The following SLIT3 variants were observed in gnomAD, a reference collection of about 807,000 sequenced individuals.
SLIT3 encodes the protein slit guidance ligand 3.
A neutral mutation model predicts 184.0 loss-of-function variants in SLIT3; 68 were observed. That is an observed-to-expected ratio of 0.37 (90% CI 0.30 to 0.45). The LOEUF is 0.45. SLIT3 is among the 20% of genes least tolerant of loss of function. The pLI is 1.00. For synonymous variants in SLIT3, 831 were observed against 828.6 expected (o/e 1.00, Z -0.05); for missense variants, 1,707 against 2,026.0 (o/e 0.84, Z 3.02).
At chr5:168,786,347 G>C (rs1040493389) in intron 11 of SLIT3, among the ~76,000 whole-genome samples, 1 of 152,162 alleles carries the variant, frequency 6.6e-6, no homozygotes, top group Non-Finnish European at 1.5e-5. Flanking sequence ...TGTCTTCAAT[G>C]GGTATTGATC....
chr5:168,790,295 A>G (rs545206248), intron 10 of SLIT3: 1 of 152,302 alleles, frequency 6.6e-6, no homozygotes, highest in Non-Finnish European at 1.5e-5. Context: ...AGTCCAGGGC[A>G]TAAGAATGTC....
intron 4 of SLIT3, among the ~76,000 whole-genome samples, chr5:168,885,790 A>G (rs915642007): frequency 8.5e-5 from 13 of 152,228 alleles, no homozygotes; most frequent in African/African-American, 3.1e-4. Flanking sequence ...TGTTCCAGTA[A>G]TGCACTAACC....
At chr5:169,225,547 T>C (rs1028599294) in intron 3 of SLIT3, among the ~76,000 whole-genome samples, 1 of 152,178 alleles carries the variant, frequency 6.6e-6, no homozygotes, top group African/African-American at 2.4e-5. Context: ...AGAGGCCTTA[T>C]AGTCTAAGGA....
chr5:168,987,062 G>T (rs1197165557), intron 4 of SLIT3, among the ~76,000 whole-genome samples: 1 of 152,096 alleles, frequency 6.6e-6, no homozygotes, highest in Non-Finnish European at 1.5e-5. Flanking sequence ...AATAAAAGAA[G>T]GCTAATATTT....
intron 4 of SLIT3, among the ~76,000 whole-genome samples, chr5:168,933,885 G>A (rs1416632876): frequency 2.0e-5 from 3 of 150,356 alleles, no homozygotes; most frequent in Non-Finnish European, 2.9e-5. Flanking sequence ...GCTAGGAAGG[G>A]CTGAGTGGCC....
chr5:168,862,678 G>GT (rs543314671), intron 5 of SLIT3, among the ~76,000 whole-genome samples: 11,039 of 141,132 alleles, frequency 0.078, 1,157 homozygotes, highest in African/African-American at 0.26. Context: ...TTTGTTTGTT[G>GT]TTTTTTTTTT....
intron 20 of SLIT3, among the ~76,000 whole-genome samples, chr5:168,726,553 C>G (rs1472086952): frequency 1.8e-4 from 7 of 39,650 alleles, no homozygotes; most frequent in Admixed American, 3.3e-4. Context: ...GGGAGGGAGG[C>G]AGGGAGAGAG....
chr5:169,223,235 G>T (rs1764677283), intron 3 of SLIT3, among the ~76,000 whole-genome samples: 1 of 152,154 alleles, frequency 6.6e-6, no homozygotes, highest in African/African-American at 2.4e-5. Context: ...CCAAAACCAA[G>T]ATCCCAGGAA....
chr5:169,190,710 C>T (rs1581036645), intron 4 of SLIT3, among the ~76,000 whole-genome samples: 1 of 152,156 alleles, frequency 6.6e-6, no homozygotes, highest in South Asian at 2.1e-4. Context: ...GGTGTAGCCA[C>T]CCACATAGAA....
intron 4 of SLIT3, among the ~76,000 whole-genome samples, chr5:169,009,098 T>A (rs556777719): frequency 1.3e-4 from 20 of 151,982 alleles, no homozygotes; most frequent in African/African-American, 3.4e-4. Flanking sequence ...AATTTTTTTT[T>A]AAAAGAGAAA....
intron 4 of SLIT3, among the ~76,000 whole-genome samples, chr5:168,991,582 G>A (rs1273921152): frequency 1.3e-5 from 2 of 152,236 alleles, no homozygotes; most frequent in Non-Finnish European, 2.9e-5. Context: ...AGGCAGGAGT[G>A]GGGAAATGCC....
chr5:168,772,609 C>T, intron 14 of SLIT3, 172 bp downstream of exon 14: 1 of 625,164 alleles, frequency 1.6e-6, no homozygotes, highest in Non-Finnish European at 2.8e-6. Context: ...ATTTTAAATC[C>T]ATAAGGTAAC....
intron 4 of SLIT3, among the ~76,000 whole-genome samples, chr5:168,988,998 GTTATTGGACAT>G (rs1284866181): frequency 6.6e-5 from 10 of 152,196 alleles, no homozygotes; most frequent in Non-Finnish European, 1.3e-4. Flanking sequence ...TGCTCTCAAT[GTTATTGGACAT>G]TTACATCTTC....
chr5:168,948,541 TG>T, intron 4 of SLIT3, among the ~76,000 whole-genome samples: 1 of 152,280 alleles, frequency 6.6e-6, no homozygotes, highest in African/African-American at 2.4e-5. Flanking sequence ...GTGTAAGTTG[TG>T]GAATTTTCCC....
At chr5:168,973,793 C>T (rs754052566) in intron 4 of SLIT3, among the ~76,000 whole-genome samples, 1 of 152,186 alleles carries the variant, frequency 6.6e-6, no homozygotes, top group Non-Finnish European at 1.5e-5. Context: ...CCATGCCTAC[C>T]TCACTGTTAG....
At chr5:169,299,833 G>A (rs73321513) in intron 1 of SLIT3, among the ~76,000 whole-genome samples, 1 of 152,086 alleles carries the variant, frequency 6.6e-6, no homozygotes, top group Admixed American at 6.5e-5. Flanking sequence ...CATTTGAAGG[G>A]CTGTCAGCAT....
intron 14 of SLIT3, 115 bp downstream of exon 14, chr5:168,772,666 G>A (rs1755595900): frequency 1.8e-6 from 2 of 1,129,958 alleles, no homozygotes; most frequent in South Asian, 2.8e-5. Flanking sequence ...AATTTGCAAA[G>A]ATGCTCCCCA....
rs570643168 is a variant in SLIT3 at position 168,697,438 on chromosome 5, T to C, written c.2943-1007A>G. On this transcript the variant is annotated intron_variant, in intron 27 of 35. Coordinates refer to ENST00000519560, the MANE Select transcript of SLIT3 (RefSeq NM_003062.4). The stretch of plus-strand genomic sequence containing the variant: ...ATGCGGAAGGGATGGGAGTCGGGGG[T>C]GGAGTGAGCATCCATCTGATTAAAT... Among the ~76,000 whole-genome samples the C allele has an allele frequency of 1.4e-4, 22 of 152,208 alleles. No individual in the cohort carries two copies. In the South Asian group the frequency reaches 4.6e-3, roughly 32 times the overall value.
At position 169,002,322 on chromosome 5, in the gene SLIT3, C is replaced by CAAAAAAAAAAAAAAAAA. The variant is rs397999882; in HGVS notation, c.414-119003_414-118987dup. 1.8e-3 allele frequency among the ~76,000 whole-genome samples: 44 copies of CAAAAAAAAAAAAAAAAA among 24,202 alleles called. 3 individuals carry two copies. Among genetic ancestry groups the CAAAAAAAAAAAAAAAAA allele is most frequent in the East Asian group, 3.2e-3 (2 of 630 alleles). The allele number at this position is 24,202 out of a possible 152,430, so 15.9% of individuals were successfully genotyped here. A position where few individuals can be genotyped will look rare whatever the true frequency, so the allele number is the denominator to read the frequency against. Reference sequence around the variant, plus strand: ...TGAGCAACAGAACGAGACTCTGTCTCAAAAAAAAAAAAAAAAAAAAAAAAA... The same window carrying CAAAAAAAAAAAAAAAAA: ...TGAGCAACAGAACGAGACTCTGTCTCAAAAAAAAAAAAAAAAAAAAAAAAAAAAAAAAAAAAAAAAAA... On this transcript the variant is annotated intron_variant, in intron 4 of 35. Transcript: ENST00000519560.
Sources: allele counts gnomAD v4.1 joint callset (sites outside exome capture counted in the v4.1 genomes callset), GRCh38; gene constraint gnomAD v4.1.1; transcripts MANE v1.5; gene names NCBI Gene and HGNC (gene_info 2026-07-23, HGNC 2026-07-21).